CHRM2: variants seen among roughly 807,000 people sequenced by gnomAD.
CHRM2 encodes the protein cholinergic receptor muscarinic 2, also known as muscarinic acetylcholine receptor M2.
In CHRM2, 8 loss-of-function variants were observed where a neutral mutation model predicts 25.0. The ratio of observed to expected loss-of-function variants is 0.32; its 90% CI spans 0.19 to 0.58. The LOEUF is 0.58. Among genes scored for constraint, CHRM2 ranks in the 20% least tolerant of loss-of-function variants. The probability of loss-of-function intolerance (pLI) is 0.88; values close to 1 mark genes in which losing one functional copy is unlikely to be tolerated. For synonymous variants in CHRM2, 202 were observed against 205.7 expected, an observed-to-expected ratio of 0.98 and a Z score of 0.15; for missense variants, 440 against 567.1, an observed-to-expected ratio of 0.78 and a Z score of 2.28.
At chr7:137,010,337 G>A (rs1330673654) in intron 3 of CHRM2, among the ~76,000 whole-genome samples, 1 of 152,050 alleles carries the variant, frequency 6.6e-6, no homozygotes, top group East Asian at 1.9e-4. Context: ...CCAGGCCTTA[G>A]TCATAAACTA....
Position 136,942,276 on chromosome 7 carries a change from C to T in CHRM2, c.-124-49911C>T, listed in dbSNP as rs189197770. Among the ~76,000 whole-genome samples the T allele has an allele frequency of 1.1e-4, 16 of 152,218 alleles. No individual in the cohort carries two copies. In the East Asian group the frequency reaches 1.2e-3, roughly 11 times the overall value. ...CAGCAGATGTGAAGCTCCAAGAAAACGCCCCCAGTCAAGCAAACCACAGCA... is the reference window on the plus strand; with the variant it reads ...CAGCAGATGTGAAGCTCCAAGAAAATGCCCCCAGTCAAGCAAACCACAGCA... On this transcript the variant is annotated intron_variant, in intron 2 of 3. Transcript: ENST00000680005.
intron 2 of CHRM2, among the ~76,000 whole-genome samples, chr7:136,951,460 C>A (rs1367023807): frequency 1.3e-5 from 2 of 152,114 alleles, no homozygotes; most frequent in Non-Finnish European, 2.9e-5. Flanking sequence ...GCTTTGCTGA[C>A]CAGCTGTAGG....
At chr7:136,908,987 A>T (rs373132733) in intron 2 of CHRM2, among the ~76,000 whole-genome samples, 2 of 151,992 alleles carry the variant, frequency 1.3e-5, no homozygotes, top group East Asian at 3.9e-4. Context: ...ATTCCTTTGA[A>T]TTATGAGTTT....
At chr7:136,882,479 G>T (rs2130512323) in intron 2 of CHRM2, among the ~76,000 whole-genome samples, 1 of 149,258 alleles carries the variant, frequency 6.7e-6, no homozygotes, top group East Asian at 2.0e-4. Context: ...TTTGATGCCT[G>T]CCTCTATTCT....
intron 3 of CHRM2, among the ~76,000 whole-genome samples, chr7:137,000,267 C>T (rs1364919137): frequency 7.6e-6 from 1 of 131,416 alleles, no homozygotes; most frequent in Admixed American, 8.9e-5. Flanking sequence ...GGCGCAATCT[C>T]GGCTCACTGC....
rs567361617 is a variant in CHRM2 at position 136,995,035 on chromosome 7, T to C, written c.-47+2771T>C. ...AGCATAATTTTGTATAAGCATAATTTCTTATTAACATATCAATTATTTATA... is the reference window on the plus strand; with the variant it reads ...AGCATAATTTTGTATAAGCATAATTCCTTATTAACATATCAATTATTTATA... On this transcript the variant is annotated intron_variant, in intron 3 of 3. Transcript: ENST00000680005. Among the ~76,000 whole-genome samples the C allele has an allele frequency of 1.8e-4, 28 of 152,264 alleles. No homozygotes were observed. In the South Asian group the frequency reaches 5.8e-3, roughly 32 times the overall value.
At chr7:137,005,257 T>A (rs188900922) in intron 3 of CHRM2, among the ~76,000 whole-genome samples, 1 of 152,260 alleles carries the variant, frequency 6.6e-6, no homozygotes, top group East Asian at 1.9e-4. Context: ...TTACTTTTCA[T>A]ATAAATAGGC....
intron 3 of CHRM2, 60 bp from the exon 4 acceptor site, chr7:137,014,759 AT>A: frequency 9.8e-7 from 1 of 1,023,858 alleles, no homozygotes; most frequent in Non-Finnish European, 1.5e-6. Flanking sequence ...GAGAAACAAC[AT>A]TATGTATTTT....
At chr7:136,923,141 AAG>A in intron 2 of CHRM2, among the ~76,000 whole-genome samples, 1 of 152,280 alleles carries the variant, frequency 6.6e-6, no homozygotes, top group East Asian at 1.9e-4. Context: ...GATTTTATGG[AAG>A]ATATTTTCTT....
intron 2 of CHRM2, among the ~76,000 whole-genome samples, chr7:136,962,512 C>G (rs983318030): frequency 2.0e-5 from 3 of 152,066 alleles, no homozygotes; most frequent in Non-Finnish European, 2.9e-5. Context: ...TAAGTAGACT[C>G]TAAGTAAGAA....
intron 3 of CHRM2, among the ~76,000 whole-genome samples, chr7:136,994,139 C>T (rs1271047553): frequency 1.3e-5 from 2 of 152,142 alleles, no homozygotes; most frequent in Non-Finnish European, 2.9e-5. Context: ...CAACCCCTTT[C>T]CTGACCTCCA....
At chr7:136,986,515 A>G (rs996092143) in intron 2 of CHRM2, among the ~76,000 whole-genome samples, 4 of 152,198 alleles carry the variant, frequency 2.6e-5, no homozygotes, top group African/African-American at 7.2e-5. Context: ...TTTACTGTAG[A>G]CCACTCAATA....
chr7:136,958,949 C>A (rs750808336), intron 2 of CHRM2, among the ~76,000 whole-genome samples: 1 of 152,122 alleles, frequency 6.6e-6, no homozygotes, highest in Admixed American at 6.5e-5. Flanking sequence ...AGCATATGCC[C>A]CTCGGTATGG....
intron 3 of CHRM2, among the ~76,000 whole-genome samples, chr7:137,009,508 C>G (rs1191533377): frequency 6.6e-6 from 1 of 152,012 alleles, no homozygotes; most frequent in East Asian, 1.9e-4. Context: ...TTGTCCTGGA[C>G]ACAATGATTT....
At chr7:136,890,130 A>C in intron 2 of CHRM2, among the ~76,000 whole-genome samples, 1 of 152,330 alleles carries the variant, frequency 6.6e-6, no homozygotes, top group East Asian at 1.9e-4. Context: ...CTGCTTCAAA[A>C]CTGAGACAAT....
In CHRM2 at chr7:137,016,589, G is replaced by A. The variant is rs1427810685; in HGVS notation, c.*323G>A. The A allele has an allele frequency of 3.1e-6, 1 of 326,804 alleles. No homozygotes were observed. The highest frequency in any genetic ancestry group is 6.1e-6 in the Non-Finnish European group (1 of 164,694). 20.2% of individuals were successfully genotyped at this position (326,804 alleles called of 1,614,324 possible). On this transcript the variant is annotated 3_prime_UTR_variant, in exon 4 of 4. Coordinates refer to ENST00000680005, the MANE Select transcript of CHRM2 (RefSeq NM_001006630.2). ...TACAATTTTATCAGTCTCTGCACAA[G>A]AGGAATAACCTTGTTCCTTTTTTGT...
Position 136,955,222 on chromosome 7 carries a change from C to G in CHRM2, c.-124-36965C>G, listed in dbSNP as rs192080071. Among the ~76,000 whole-genome samples the G allele has an allele frequency of 7.5e-4, 114 of 152,242 alleles. 1 individual carries two copies. Among genetic ancestry groups the G allele is most frequent in the Admixed American group, 5.4e-3 (83 of 15,286 alleles). Reference sequence around the variant, plus strand: ...AAATGCATCCTGACTGCTTCCTTTACTAGCCAAAGTATTTTATAATCCATT... The same window carrying G: ...AAATGCATCCTGACTGCTTCCTTTAGTAGCCAAAGTATTTTATAATCCATT... On this transcript the variant is annotated intron_variant, in intron 2 of 3. Coordinates refer to ENST00000680005, the MANE Select transcript of CHRM2 (RefSeq NM_001006630.2).
chr7:136,991,288 CT>C (rs1803210014), intron 2 of CHRM2, among the ~76,000 whole-genome samples: 1 of 152,098 alleles, frequency 6.6e-6, no homozygotes, highest in African/African-American at 2.4e-5. Flanking sequence ...CTTTGATCCA[CT>C]TTGAGCTAAT....
intron 2 of CHRM2, among the ~76,000 whole-genome samples, chr7:136,986,811 G>A (rs7799047): frequency 3.3e-5 from 5 of 151,950 alleles, no homozygotes; most frequent in Admixed American, 2.6e-4. Flanking sequence ...TATAGGGACC[G>A]TTTTTGTTCC....
Sources: gnomAD v4.1 joint callset for allele counts (sites outside exome capture counted in the v4.1 genomes callset) on GRCh38, gnomAD v4.1.1 for gene constraint, MANE v1.5 for transcripts, NCBI Gene and HGNC (gene_info 2026-07-23, HGNC 2026-07-21) for gene names.